TBXAS1: variants seen among roughly 807,000 people sequenced by gnomAD.
TBXAS1 encodes the protein thromboxane A synthase 1.
A neutral mutation model predicts 60.7 loss-of-function variants in TBXAS1; 48 were observed. That is an observed-to-expected ratio of 0.79 (90% CI 0.63 to 1.01). TBXAS1 has a LOEUF of 1.01. Among genes scored for constraint, TBXAS1 ranks in the 50% least tolerant of loss-of-function variants. TBXAS1 has a pLI of 0.00. For missense variants in TBXAS1, 685 were observed against 686.3 expected, an observed-to-expected ratio of 1.00 and a Z score of 0.02; for synonymous variants, 287 against 269.7, an observed-to-expected ratio of 1.06 and a Z score of -0.63.
intron 3 of TBXAS1, among the ~76,000 whole-genome samples, chr7:139,899,127 C>T (rs1458094907): frequency 6.6e-6 from 1 of 152,146 alleles, no homozygotes; most frequent in Non-Finnish European, 1.5e-5. Context: ...GATCTATGCC[C>T]TGTAAGCCAG....
In TBXAS1 at chr7:139,936,226, C is replaced by T. The variant is rs372829666; in HGVS notation, c.369C>T (p.Ser123=). The change falls in exon 5 of 13, where the codon AGC becomes AGT. Residue 123 remains serine (S), a synonymous_variant. Transcript: ENST00000448866. ...TGGAGTTCAAGTCGGTAGCCGACAG[C>T]GTTCTGTTTTTACGTGACAAAAGAT... ...SGLEFKSVAD[S]VLFLRDKRWE... The T allele has an allele frequency of 2.7e-5, 43 of 1,614,198 alleles. No individual in the cohort carries two copies. The highest frequency in any genetic ancestry group is 2.5e-4 in the East Asian group (11 of 44,892).
chr7:140,016,603 TC>T (rs937934411), intron 11 of TBXAS1: 1 of 161,330 alleles, frequency 6.2e-6, no homozygotes, highest in Non-Finnish European at 1.4e-5. Flanking sequence ...TCTCCATGAA[TC>T]TAAATTCACG....
At chr7:139,938,555 T>C (rs17161278) in intron 5 of TBXAS1, among the ~76,000 whole-genome samples, 4,583 of 152,264 alleles carry the variant, frequency 0.03, 208 homozygotes, top group African/African-American at 0.1. Context: ...GGCCTGCATC[T>C]TAAAGCTAGA....
rs148114380 is a variant in TBXAS1 at position 139,921,186 on chromosome 7, GAC to G, written c.333+9869_333+9870del. On this transcript the variant is annotated intron_variant, in intron 4 of 12. Transcript: ENST00000448866. ...CCCTATGTGACACCACCCAGATCAA[GAC>G]ACAAACATTTCCAACACTCCAGAGG... Among the ~76,000 whole-genome samples, 1,402 of 151,934 alleles carry G rather than the reference GAC, an allele frequency of 9.2e-3. 26 individuals carry two copies. The highest frequency in any genetic ancestry group is 0.033 in the African/African-American group (1,358 of 41,412).
chr7:139,810,951 G>T (rs1175017056), intron 4 of TBXAS1, among the ~76,000 whole-genome samples: 1 of 152,164 alleles, frequency 6.6e-6, no homozygotes, highest in Non-Finnish European at 1.5e-5. Context: ...TCCATATCTT[G>T]TAGGAATTAT....
rs2117468461 is a variant in TBXAS1, at chr7:139,975,114, A to G, written c.1134+12881A>G. ...AATTCTTTCTTCGCCAGAAAACCTC[A>G]GTTTTTGCTCTTACGGCCTTCAACC... On this transcript the variant is annotated intron_variant, in intron 9 of 12. Coordinates refer to ENST00000448866, the MANE Select transcript of TBXAS1 (RefSeq NM_001061.7). This position sits in a 1 kb window ranked among gnomAD's most constrained non-coding sequence, Gnocchi z 4.4. 6.6e-6 allele frequency among the ~76,000 whole-genome samples: 1 copy of G among 152,312 alleles called. No individual in the cohort carries two copies. The highest frequency in any genetic ancestry group is 1.9e-4 in the East Asian group (1 of 5,182).
intron 5 of TBXAS1, among the ~76,000 whole-genome samples, chr7:139,937,856 G>T (rs1461864151): frequency 1.3e-5 from 2 of 150,990 alleles, no homozygotes; most frequent in Non-Finnish European, 2.9e-5. Flanking sequence ...GGCCACGTAG[G>T]ACTGTGCCAG....
chr7:139,869,584 TC>T, intron 1 of TBXAS1, among the ~76,000 whole-genome samples: 1 of 152,132 alleles, frequency 6.6e-6, no homozygotes, highest in Admixed American at 6.5e-5. Flanking sequence ...AGATGGGGTT[TC>T]ACCATATGGG....
At chr7:139,846,374 C>T (rs1342112460) in intron 1 of TBXAS1, among the ~76,000 whole-genome samples, 1 of 152,166 alleles carries the variant, frequency 6.6e-6, no homozygotes, top group Non-Finnish European at 1.5e-5. Flanking sequence ...CAATAGATGT[C>T]AGGTCTCCGT....
At chr7:139,899,629 G>A (rs1325044353) in intron 3 of TBXAS1, among the ~76,000 whole-genome samples, 2 of 152,208 alleles carry the variant, frequency 1.3e-5, no homozygotes, top group Non-Finnish European at 2.9e-5. Flanking sequence ...TGAATAACTG[G>A]TTAAGAATTT....
intron 9 of TBXAS1, among the ~76,000 whole-genome samples, chr7:139,988,513 G>A (rs1047915096): frequency 6.6e-6 from 1 of 152,190 alleles, no homozygotes; most frequent in Non-Finnish European, 1.5e-5. Context: ...CCAGCTCCTT[G>A]CTTCTGCATC....
intron 3 of TBXAS1, among the ~76,000 whole-genome samples, chr7:139,899,333 T>A (rs1804389683): frequency 6.6e-6 from 1 of 152,194 alleles, no homozygotes; most frequent in South Asian, 2.1e-4. Flanking sequence ...GAACAGTCTA[T>A]AGCTCGGTCA....
chr7:139,865,834 G>A (rs1447475734), intron 1 of TBXAS1, among the ~76,000 whole-genome samples: 1 of 94,256 alleles, frequency 1.1e-5, no homozygotes, highest in Non-Finnish European at 2.2e-5. Context: ...GGAGGGAGGG[G>A]GGAAAGGAAG....
intron 9 of TBXAS1, among the ~76,000 whole-genome samples, chr7:139,967,771 T>C (rs1810899884): frequency 6.6e-6 from 1 of 152,190 alleles, no homozygotes; most frequent in Non-Finnish European, 1.5e-5. Context: ...GGCTTCTGGG[T>C]AGCCAGGAAA....
intron 4 of TBXAS1, among the ~76,000 whole-genome samples, chr7:139,927,624 A>G (rs976185261): frequency 2.0e-5 from 3 of 152,152 alleles, no homozygotes; most frequent in African/African-American, 7.2e-5. Context: ...ACATCATGAC[A>G]ATGTTGAATT....
Position 139,962,240 on chromosome 7 carries a change from A to C in TBXAS1, c.1134+7A>C, listed in dbSNP as rs776079738. The C allele has an allele frequency of 6.2e-7, 1 of 1,614,042 alleles. No individual in the cohort carries two copies. Among genetic ancestry groups the C allele is most frequent in the South Asian group, 1.1e-5 (1 of 90,928 alleles). On this transcript the variant is annotated splice_region_variant and intron_variant, in intron 9 of 12. Coordinates refer to ENST00000448866, the MANE Select transcript of TBXAS1 (RefSeq NM_001061.7). ...CGTTTTTAAGGAGAAACACGTGAGT[A>C]CAAGTTGGATCCAGTTACCCATGGG...
At chr7:139,945,644 A>T (rs1808642894) in intron 5 of TBXAS1, among the ~76,000 whole-genome samples, 1 of 152,254 alleles carries the variant, frequency 6.6e-6, no homozygotes, top group Admixed American at 6.5e-5. Context: ...GTTACCACAA[A>T]AGAGCAATAT....
intron 1 of TBXAS1, among the ~76,000 whole-genome samples, chr7:139,847,692 C>G (rs1027461107): frequency 5.3e-5 from 8 of 152,210 alleles, no homozygotes; most frequent in Non-Finnish European, 1.2e-4. Flanking sequence ...CCGACCCCTG[C>G]AATAAGGTCT....
intron 9 of TBXAS1, among the ~76,000 whole-genome samples, chr7:140,002,095 G>A (rs530499708): frequency 1.3e-5 from 2 of 152,244 alleles, no homozygotes; most frequent in African/African-American, 2.4e-5. Context: ...AATCATGCTC[G>A]CCAATTCCAT....
Sources: gnomAD v4.1 joint callset for allele counts (sites outside exome capture counted in the v4.1 genomes callset) on GRCh38, gnomAD v4.1.1 for gene constraint, Gnocchi (gnomAD v3.1) non-coding constraint, MANE v1.5 for transcripts, NCBI Gene and HGNC (gene_info 2026-07-23, HGNC 2026-07-21) for gene names.